HCRTR2: variants seen among roughly 807,000 people sequenced by gnomAD.
HCRTR2 encodes hypocretin receptor 2, also known as orexin receptor type 2.
HCRTR2 carries 22 observed loss-of-function variants against 49.0 expected under a neutral mutation model. That is an observed-to-expected ratio of 0.45 (90% CI 0.32 to 0.64). The LOEUF (loss-of-function observed/expected upper bound fraction) is 0.64. Among genes scored for constraint, HCRTR2 ranks in the 30% least tolerant of loss-of-function variants. The pLI is 0.04. For missense variants in HCRTR2, 491 were observed against 559.4 expected, an observed-to-expected ratio of 0.88 and a Z score of 1.23; for synonymous variants, 236 against 205.3, an observed-to-expected ratio of 1.15 and a Z score of -1.28.
chr6:55,188,409 T>A (rs1191306531), intron 1 of HCRTR2, among the ~76,000 whole-genome samples: 3 of 152,186 alleles, frequency 2.0e-5, no homozygotes, highest in Non-Finnish European at 2.9e-5. Context: ...TGAGTTAGCA[T>A]CAGCAATAAT....
At chr6:55,117,498 T>C (rs1453312677) in intron 1 of HCRTR2, among the ~76,000 whole-genome samples, 1 of 151,790 alleles carries the variant, frequency 6.6e-6, no homozygotes, top group Non-Finnish European at 1.5e-5. Context: ...ATACAATGCA[T>C]AATGGTCAGA....
At chr6:55,117,913 T>A (rs1180259837) in intron 1 of HCRTR2, among the ~76,000 whole-genome samples, 1 of 151,598 alleles carries the variant, frequency 6.6e-6, no homozygotes, top group East Asian at 1.9e-4. Context: ...TATTTTAAGT[T>A]CAGGGGCACA....
At chr6:55,223,141 T>C (rs949773670) in intron 1 of HCRTR2, among the ~76,000 whole-genome samples, 2 of 152,188 alleles carry the variant, frequency 1.3e-5, no homozygotes, top group Non-Finnish European at 2.9e-5. Context: ...TTAGTTTGTT[T>C]CCCATTTTTA....
intron 1 of HCRTR2, among the ~76,000 whole-genome samples, chr6:55,195,981 A>G (rs1210294208): frequency 1.4e-5 from 2 of 146,986 alleles, no homozygotes; most frequent in African/African-American, 2.7e-5. Flanking sequence ...CAATAAAACA[A>G]CAACAACAAC....
chr6:55,126,593 A>G (rs1343987556), intron 1 of HCRTR2, among the ~76,000 whole-genome samples: 1 of 152,198 alleles, frequency 6.6e-6, no homozygotes, highest in East Asian at 1.9e-4. Context: ...TGAGGAGGCA[A>G]TCTGCCCCTT....
chr6:55,233,705 C>CAAATAAAT (rs149411463), intron 1 of HCRTR2, among the ~76,000 whole-genome samples: 13 of 151,766 alleles, frequency 8.6e-5, no homozygotes, highest in East Asian at 5.9e-4. Context: ...TAAAGAATAA[C>CAAATAAAT]AAATAAATAA....
chr6:55,276,196 G>T (rs1767074030), intron 4 of HCRTR2, among the ~76,000 whole-genome samples: 1 of 152,138 alleles, frequency 6.6e-6, no homozygotes, highest in East Asian at 1.9e-4. Context: ...AAGACATACA[G>T]AGTGAGAAGA....
chr6:55,128,523 T>G (rs561636795), intron 1 of HCRTR2, among the ~76,000 whole-genome samples: 9 of 152,338 alleles, frequency 5.9e-5, no homozygotes, highest in African/African-American at 2.2e-4. Flanking sequence ...AGTATGGCCA[T>G]TTTAACAACA....
chr6:55,277,707 C>A lies in HCRTR2; in HGVS notation c.983+107C>A, dbSNP rs77096357. The A allele has an allele frequency of 7.5e-3, 6,204 of 829,312 alleles. 258 individuals are homozygous for A. In the African/African-American group the frequency reaches 0.089, roughly 12 times the overall value. 51.4% of individuals were successfully genotyped at this position (829,312 alleles called of 1,614,324 possible). A position where few individuals can be genotyped will look rare whatever the true frequency, so the allele number is the denominator to read the frequency against. ...GCCAGAGAAAAATCTAAACTTTCTG[C>A]TTAGATACCTTGTCAGGCCAGATGA... On this transcript the variant is annotated intron_variant, in intron 5 of 6. Coordinates refer to ENST00000370862, the MANE Select transcript of HCRTR2 (RefSeq NM_001384272.1).
rs1767218556 is a variant in HCRTR2 at position 55,282,610 on chromosome 6, G to T, written c.*156G>T. ...CTCTTTGGAAATAAAAAAAAAGTCAGTTTAAAATGATTTCTCAACTTTTGA... is the reference window on the plus strand; with the variant it reads ...CTCTTTGGAAATAAAAAAAAAGTCATTTTAAAATGATTTCTCAACTTTTGA... On this transcript the variant is annotated 3_prime_UTR_variant, in exon 7 of 7. Transcript: ENST00000370862. 1.8e-5 allele frequency: 11 copies of T among 607,052 alleles called. No homozygotes were observed. In the South Asian group the frequency reaches 2.2e-4, roughly 12 times the overall value. The allele number at this position is 607,052 out of a possible 1,614,324, so 37.6% of individuals were successfully genotyped here.
chr6:55,258,570 C>T (rs1766696218), intron 3 of HCRTR2, among the ~76,000 whole-genome samples: 1 of 152,166 alleles, frequency 6.6e-6, no homozygotes, highest in Admixed American at 6.5e-5. Flanking sequence ...TTCTGGCAGA[C>T]ACACACAACA....
chr6:55,221,110 T>A (rs556015451), intron 1 of HCRTR2, among the ~76,000 whole-genome samples: 1 of 152,274 alleles, frequency 6.6e-6, no homozygotes, highest in African/African-American at 2.4e-5. Flanking sequence ...TCGATATTGT[T>A]AAAATGTGCA....
intron 1 of HCRTR2, among the ~76,000 whole-genome samples, chr6:55,160,175 C>G (rs1252974227): frequency 6.6e-6 from 1 of 152,096 alleles, no homozygotes; most frequent in Non-Finnish European, 1.5e-5. Flanking sequence ...AGAGTGAAGG[C>G]CAATATTCAA....
chr6:55,163,229 T>G (rs577015960), intron 1 of HCRTR2, among the ~76,000 whole-genome samples: 23 of 149,626 alleles, frequency 1.5e-4, no homozygotes, highest in African/African-American at 5.6e-4. Flanking sequence ...AGAGCAAGAC[T>G]CCGTCTCAAA....
intron 1 of HCRTR2, among the ~76,000 whole-genome samples, chr6:55,219,125 A>G (rs780517599): frequency 1.3e-5 from 2 of 152,194 alleles, no homozygotes; most frequent in Non-Finnish European, 2.9e-5. Context: ...TCAGGACCCA[A>G]CTTTCAAAAA....
intron 1 of HCRTR2, among the ~76,000 whole-genome samples, chr6:55,227,280 T>C (rs560082490): frequency 2.0e-5 from 3 of 152,316 alleles, no homozygotes; most frequent in African/African-American, 4.8e-5. Flanking sequence ...ATGGGTTATT[T>C]TGATTACTTT....
intron 1 of HCRTR2, among the ~76,000 whole-genome samples, chr6:55,164,425 C>T (rs1000960718): frequency 6.6e-6 from 1 of 152,072 alleles, no homozygotes; most frequent in African/African-American, 2.4e-5. Flanking sequence ...ACATATACAC[C>T]ATGAAATACT....
At chr6:55,119,241 T>C (rs1471472809) in intron 1 of HCRTR2, among the ~76,000 whole-genome samples, 1 of 152,112 alleles carries the variant, frequency 6.6e-6, no homozygotes, top group Admixed American at 6.6e-5. Flanking sequence ...AGTGCCACAA[T>C]AAACATACGT....
At chr6:55,130,478 A>T (rs888960740) in intron 1 of HCRTR2, among the ~76,000 whole-genome samples, 1 of 151,444 alleles carries the variant, frequency 6.6e-6, no homozygotes, top group Non-Finnish European at 1.5e-5. Flanking sequence ...ATTTCTTTCA[A>T]AGCTATCATC....
Sources: allele counts gnomAD v4.1 joint callset (sites outside exome capture counted in the v4.1 genomes callset), GRCh38; gene constraint gnomAD v4.1.1; transcripts MANE v1.5; gene names NCBI Gene and HGNC (gene_info 2026-07-23, HGNC 2026-07-21).